The following SAMMSON variants were observed in gnomAD, a reference collection of about 807,000 sequenced individuals.
The protein encoded by SAMMSON is survival associated mitochondrial melanoma specific oncogenic non-coding RNA, also known as long intergenic non-protein coding RNA 1212.
At chr3:70,187,679 G>T (rs1010753569) in intron 4 of SAMMSON, among the ~76,000 whole-genome samples, 2 of 151,542 alleles carry the variant, frequency 1.3e-5, no homozygotes, top group East Asian at 1.9e-4. Flanking sequence ...CTCGTGATCC[G>T]CCCGTCTCGG....
In SAMMSON at chr3:70,193,274, T is replaced by C. The variant is rs570018353; in HGVS notation, n.508-55833T>C. Among the ~76,000 whole-genome samples the C allele has an allele frequency of 1.1e-4, 16 of 152,178 alleles. No individual in the cohort carries two copies. The South Asian group carries it at 3.3e-3, about 32-fold the overall frequency. On this transcript the variant is annotated intron_variant and non_coding_transcript_variant, in intron 4 of 9. Transcript: ENST00000642114. ...GACCTCTGTTGGAGAAGCCCCAAAA[T>C]ATAATTTTAGTCCCATATTAATTAA... is the stretch of plus-strand genomic sequence containing the variant.
At chr3:70,221,816 C>T (rs1701462912) in intron 4 of SAMMSON, among the ~76,000 whole-genome samples, 1 of 151,980 alleles carries the variant, frequency 6.6e-6, no homozygotes, top group Non-Finnish European at 1.5e-5. Flanking sequence ...ATTTACAGGA[C>T]ATTGCTAAAT....
At chr3:70,110,821 G>T (rs1388658197) in intron 4 of SAMMSON, among the ~76,000 whole-genome samples, 2 of 152,106 alleles carry the variant, frequency 1.3e-5, no homozygotes, top group African/African-American at 4.8e-5. Flanking sequence ...ACACCTGAAC[G>T]TACGCCACCT....
Position 70,296,331 on chromosome 3 carries a change from A to G in SAMMSON, n.739+5088A>G, listed in dbSNP as rs146792237. Among the ~76,000 whole-genome samples, 345 of 152,198 alleles carry G rather than the reference A, an allele frequency of 2.3e-3. 1 individual carries two copies. The highest frequency in any genetic ancestry group is 7.8e-3 in the African/African-American group (325 of 41,550). ...AGTTTATTGTCTTACTAAGTAAGAG[A>G]CTGAAACAGACTCTTAACATGATAC... On this transcript the variant is annotated intron_variant and non_coding_transcript_variant, in intron 7 of 9. Transcript: ENST00000642114.
chr3:70,041,512 A>G (rs928760488), intron 3 of SAMMSON, among the ~76,000 whole-genome samples: 1 of 152,136 alleles, frequency 6.6e-6, no homozygotes, highest in Admixed American at 6.6e-5. Context: ...TAGATGAAGT[A>G]AATTTAATAA....
At chr3:70,291,263 ACT>A (rs1218008019) in intron 7 of SAMMSON, 2 of 151,848 alleles carry the variant, frequency 1.3e-5, no homozygotes, top group African/African-American at 2.4e-5. Context: ...ATTATCTAGG[ACT>A]CTATTTTCTC....
chr3:70,040,681 G>A (rs2067102854), intron 3 of SAMMSON, among the ~76,000 whole-genome samples: 1 of 152,012 alleles, frequency 6.6e-6, no homozygotes, highest in Non-Finnish European at 1.5e-5. Flanking sequence ...CAGGTGGGAG[G>A]GGCACTTGGC....
chr3:70,024,037 G>T (rs2067027182), intron 3 of SAMMSON, among the ~76,000 whole-genome samples: 1 of 151,900 alleles, frequency 6.6e-6, no homozygotes. Flanking sequence ...ACCCAAACTG[G>T]TCTATCCCTA....
chr3:70,193,238 G>A (rs989411974), intron 4 of SAMMSON, among the ~76,000 whole-genome samples: 1 of 152,038 alleles, frequency 6.6e-6, no homozygotes, highest in Non-Finnish European at 1.5e-5. Context: ...TGTAATATTA[G>A]GAGCAATTCA....
At chr3:70,167,357 G>A (rs571015718) in intron 4 of SAMMSON, among the ~76,000 whole-genome samples, 1 of 151,968 alleles carries the variant, frequency 6.6e-6, no homozygotes, top group African/African-American at 2.4e-5. Context: ...CATTTAAATA[G>A]TGAGCAGAAT....
At chr3:70,016,009 T>C (rs1290042494) in intron 3 of SAMMSON, among the ~76,000 whole-genome samples, 1 of 152,214 alleles carries the variant, frequency 6.6e-6, no homozygotes, top group Non-Finnish European at 1.5e-5. Flanking sequence ...TTGTGAATAG[T>C]GCCGCAATAA....
At chr3:70,302,318 G>A (rs1054964075) in intron 7 of SAMMSON, among the ~76,000 whole-genome samples, 2 of 151,960 alleles carry the variant, frequency 1.3e-5, no homozygotes, top group African/African-American at 4.8e-5. Context: ...TTATTAGCGA[G>A]TATATTCCTC....
At chr3:70,196,817 C>A in intron 4 of SAMMSON, 2 of 397,242 alleles carry the variant, frequency 5.0e-6, no homozygotes, top group Non-Finnish European at 8.9e-6. Context: ...CTATAGCATC[C>A]AAGAAATGTG....
At chr3:70,242,369 C>CT (rs1420426969) in intron 4 of SAMMSON, among the ~76,000 whole-genome samples, 1 of 152,092 alleles carries the variant, frequency 6.6e-6, no homozygotes, top group African/African-American at 2.4e-5. Flanking sequence ...AGTTTTTAAA[C>CT]TTTTTTCCCA....
chr3:70,145,996 A>G (rs957858970), intron 4 of SAMMSON, among the ~76,000 whole-genome samples: 2 of 152,060 alleles, frequency 1.3e-5, no homozygotes, highest in Non-Finnish European at 2.9e-5. Context: ...TCTTAACACC[A>G]GGAGTAAAAG....
chr3:70,150,548 T>G (rs940770131), intron 4 of SAMMSON, among the ~76,000 whole-genome samples: 1 of 152,046 alleles, frequency 6.6e-6, no homozygotes, highest in Non-Finnish European at 1.5e-5. Flanking sequence ...CATAGTTGGC[T>G]TTGTTTCTGA....
intron 9 of SAMMSON, among the ~76,000 whole-genome samples, chr3:70,360,811 A>C (rs780423884): frequency 6.6e-6 from 1 of 152,200 alleles, no homozygotes; most frequent in Non-Finnish European, 1.5e-5. Flanking sequence ...GGAATTATGC[A>C]TTTATATTTC....
At chr3:70,193,615 T>C (rs559330064) in intron 4 of SAMMSON, among the ~76,000 whole-genome samples, 17 of 152,310 alleles carry the variant, frequency 1.1e-4, no homozygotes, top group African/African-American at 3.6e-4. Flanking sequence ...GGCAACTGTT[T>C]AGGTTTTACT....
At chr3:70,032,323 A>G (rs902773926) in intron 3 of SAMMSON, among the ~76,000 whole-genome samples, 2 of 152,204 alleles carry the variant, frequency 1.3e-5, no homozygotes, top group Non-Finnish European at 2.9e-5. Context: ...TAGAAAAAAA[A>G]TAGCCACTTG....
Sources: allele counts gnomAD v4.1 joint callset (sites outside exome capture counted in the v4.1 genomes callset), GRCh38; gene constraint gnomAD v4.1.1; transcripts MANE v1.5; gene names NCBI Gene and HGNC (gene_info 2026-07-23, HGNC 2026-07-21).